The following BMPER variants were observed in gnomAD, a reference collection of about 807,000 sequenced individuals.
BMPER encodes BMP binding endothelial regulator.
A neutral mutation model predicts 87.3 loss-of-function variants in BMPER; 45 were observed. The observed-to-expected ratio is 0.52, with a 90% confidence interval of 0.41 to 0.66. BMPER has a LOEUF of 0.66. Among genes scored for constraint, BMPER ranks in the 30% least tolerant of loss-of-function variants. BMPER has a pLI of 0.00. For missense variants in BMPER, 784 were observed against 867.5 expected, an observed-to-expected ratio of 0.90 and a Z score of 1.21; for synonymous variants, 326 against 316.2, an observed-to-expected ratio of 1.03 and a Z score of -0.33.
intron 5 of BMPER, among the ~76,000 whole-genome samples, chr7:33,971,532 T>C (rs1019849791): frequency 1.3e-5 from 2 of 152,254 alleles, no homozygotes; most frequent in Non-Finnish European, 2.9e-5. Flanking sequence ...CCAGTTGTTC[T>C]GTGTCTATCA....
At chr7:33,998,104 G>A (rs1786470469) in intron 6 of BMPER, among the ~76,000 whole-genome samples, 1 of 152,164 alleles carries the variant, frequency 6.6e-6, no homozygotes, top group Non-Finnish European at 1.5e-5. Context: ...ATGGAACTTA[G>A]CACATTGTAG....
chr7:33,982,605 T>C (rs1484301962), intron 6 of BMPER, among the ~76,000 whole-genome samples: 2 of 152,190 alleles, frequency 1.3e-5, no homozygotes, highest in African/African-American at 2.4e-5. Flanking sequence ...GTTTTGTGAC[T>C]GGACAATGAG....
chr7:34,096,595 A>G (rs950968376), intron 13 of BMPER, among the ~76,000 whole-genome samples: 1 of 152,130 alleles, frequency 6.6e-6, no homozygotes, highest in Non-Finnish European at 1.5e-5. Flanking sequence ...TTTTCTTCTG[A>G]CTTGGCAAGT....
intron 3 of BMPER, chr7:33,937,649 G>C (rs1414689761): frequency 2.1e-6 from 1 of 483,612 alleles, no homozygotes; most frequent in Non-Finnish European, 3.8e-6. Context: ...TTCTAAGGCA[G>C]GTTGTTAAAA....
chr7:33,923,713 C>G (rs1784290469), intron 2 of BMPER, among the ~76,000 whole-genome samples: 1 of 152,194 alleles, frequency 6.6e-6, no homozygotes, highest in Admixed American at 6.5e-5. Flanking sequence ...TACAGTTGTT[C>G]ATGCACACAT....
intron 5 of BMPER, among the ~76,000 whole-genome samples, chr7:33,970,751 A>G (rs546894916): frequency 6.6e-5 from 10 of 152,248 alleles, no homozygotes; most frequent in Non-Finnish European, 1.2e-4. Flanking sequence ...TCATATTGCA[A>G]AATCCTGGCC....
At chr7:34,134,451 G>A (rs1790669693) in intron 13 of BMPER, among the ~76,000 whole-genome samples, 1 of 152,118 alleles carries the variant, frequency 6.6e-6, no homozygotes, top group South Asian at 2.1e-4. Flanking sequence ...GCCGGGCTCT[G>A]CTAGGATGGG....
At chr7:34,061,852 A>G (rs1788443901) in intron 10 of BMPER, 150 bp from the exon 11 acceptor site, 6 of 673,248 alleles carry the variant, frequency 8.9e-6, no homozygotes, top group Non-Finnish European at 1.5e-5. Flanking sequence ...CACCATCTTC[A>G]TCACCATCTG....
intron 6 of BMPER, among the ~76,000 whole-genome samples, chr7:33,995,826 G>A (rs934504610): frequency 6.6e-6 from 1 of 152,092 alleles, no homozygotes; most frequent in Non-Finnish European, 1.5e-5. Context: ...CTTACAGTCA[G>A]GGGCCACCTC....
At chr7:34,013,146 C>T (rs1313591456) in intron 6 of BMPER, among the ~76,000 whole-genome samples, 3 of 151,628 alleles carry the variant, frequency 2.0e-5, no homozygotes, top group African/African-American at 7.3e-5. Flanking sequence ...CTGCTTGATG[C>T]TTCTCAGGTG....
At chr7:34,038,667 T>C (rs1014740032) in intron 6 of BMPER, among the ~76,000 whole-genome samples, 4 of 152,206 alleles carry the variant, frequency 2.6e-5, no homozygotes, top group African/African-American at 9.6e-5. Flanking sequence ...TAGTTCATAG[T>C]TCTCTTAATA....
chr7:33,956,881 G>T (rs1048841367), intron 3 of BMPER, among the ~76,000 whole-genome samples: 1 of 152,162 alleles, frequency 6.6e-6, no homozygotes, highest in South Asian at 2.1e-4. Context: ...GGAATGAAAA[G>T]TTATATTGAA....
At chr7:33,948,934 T>TGAGAGA (rs370365732) in intron 3 of BMPER, among the ~76,000 whole-genome samples, 10 of 146,586 alleles carry the variant, frequency 6.8e-5, no homozygotes, top group African/African-American at 2.5e-4. Context: ...AGAGAGAAAG[T>TGAGAGA]GAGAGAGAGA....
intron 10 of BMPER, among the ~76,000 whole-genome samples, chr7:34,059,400 T>G (rs1788371946): frequency 6.6e-6 from 1 of 151,634 alleles, no homozygotes; most frequent in African/African-American, 2.4e-5. Flanking sequence ...GGGGAGGGGA[T>G]GGTGGGGGGA....
intron 13 of BMPER, among the ~76,000 whole-genome samples, chr7:34,119,892 A>T (rs902958154): frequency 6.6e-6 from 1 of 152,214 alleles, no homozygotes; most frequent in African/African-American, 2.4e-5. Context: ...GAAAAAATAT[A>T]ACCTAAAACC....
intron 13 of BMPER, among the ~76,000 whole-genome samples, chr7:34,091,059 G>C (rs1436404188): frequency 6.6e-6 from 1 of 152,124 alleles, no homozygotes; most frequent in African/African-American, 2.4e-5. Context: ...GAGGTCGTGC[G>C]GGAGAACACT....
At chr7:34,062,170 C>A (rs752021074) in intron 11 of BMPER, 123 bp downstream of exon 11, 116 of 846,120 alleles carry the variant, frequency 1.4e-4, no homozygotes, top group Non-Finnish European at 2.0e-4. Flanking sequence ...AGGATGGGAT[C>A]ATCTCACCTC....
intron 6 of BMPER, among the ~76,000 whole-genome samples, chr7:34,024,377 AAAAAACAATATATATATATAT>A (rs1787288046): frequency 2.2e-5 from 2 of 90,888 alleles, no homozygotes; most frequent in African/African-American, 1.1e-4. Flanking sequence ...AAAAAAAAAA[AAAAAACAATATATATATATAT>A]ATATATATAT....
chr7:33,979,692 G>A (rs1385260417), intron 6 of BMPER, among the ~76,000 whole-genome samples: 1 of 152,178 alleles, frequency 6.6e-6, no homozygotes, highest in Non-Finnish European at 1.5e-5. Context: ...CACACCCTAG[G>A]GAGTTGTGTG....
Sources: allele counts gnomAD v4.1 joint callset (sites outside exome capture counted in the v4.1 genomes callset), GRCh38; gene constraint gnomAD v4.1.1; transcripts MANE v1.5; gene names NCBI Gene and HGNC (gene_info 2026-07-23, HGNC 2026-07-21).